CDK14: variants seen among roughly 807,000 people sequenced by gnomAD.
The protein encoded by CDK14 is cyclin dependent kinase 14, also known as cyclin-dependent kinase 14.
Under a neutral mutation model 60.7 loss-of-function variants are expected in CDK14, and 34 were observed. That is an observed-to-expected ratio of 0.56 (90% CI 0.43 to 0.75). The LOEUF (loss-of-function observed/expected upper bound fraction) is 0.75, where lower values mean the gene tolerates loss of function less well. CDK14 is among the 30% of genes least tolerant of loss of function. The pLI is 0.00. For missense variants in CDK14, 482 were observed against 564.1 expected, an observed-to-expected ratio of 0.85 and a Z score of 1.47; for synonymous variants, 197 against 203.7, an observed-to-expected ratio of 0.97 and a Z score of 0.28.
intron 8 of CDK14, among the ~76,000 whole-genome samples, chr7:90,924,832 A>T (rs1793365827): frequency 1.3e-5 from 2 of 151,904 alleles, no homozygotes; most frequent in Admixed American, 1.3e-4. Context: ...TGGTTTATTT[A>T]GCTTTGAAAT....
At chr7:90,630,552 A>G (rs1333777158) in intron 2 of CDK14, among the ~76,000 whole-genome samples, 3 of 152,236 alleles carry the variant, frequency 2.0e-5, no homozygotes, top group African/African-American at 7.2e-5. Context: ...CAAAAGTTGT[A>G]CTTTGACTTA....
intron 2 of CDK14, among the ~76,000 whole-genome samples, chr7:90,687,548 G>A (rs1369570938): frequency 6.6e-6 from 1 of 151,980 alleles, no homozygotes; most frequent in Admixed American, 6.6e-5. Context: ...ATAATTAAGG[G>A]ATATGAAGAT....
chr7:90,989,001 A>AGTGTGTGT (rs10696275), intron 10 of CDK14, among the ~76,000 whole-genome samples: 13,867 of 149,778 alleles, frequency 0.093, 714 homozygotes, highest in Middle Eastern at 0.21. Flanking sequence ...TTTGTGTGTG[A>AGTGTGTGT]GTGTGTGTGT....
chr7:90,616,886 G>A (rs923066820), intron 2 of CDK14, among the ~76,000 whole-genome samples: 2 of 151,504 alleles, frequency 1.3e-5, no homozygotes, highest in South Asian at 2.1e-4. Flanking sequence ...ATATATATAT[G>A]TGTGCCTGTG....
At chr7:91,098,500 A>T (rs1352511558) in intron 12 of CDK14, among the ~76,000 whole-genome samples, 2 of 151,396 alleles carry the variant, frequency 1.3e-5, no homozygotes, top group East Asian at 4.0e-4. Flanking sequence ...AACTTAAAAT[A>T]AAAAAAGAAA....
At position 91,098,521 on chromosome 7, in the gene CDK14, GAA is replaced by G. The variant is rs767502838; in HGVS notation, c.1155-14019_1155-14018del. The stretch of plus-strand genomic sequence containing the variant: ...AAATAAAAAAAGAAAGAAAAAGAAA[GAA>G]AGAGAAAAAAAAAAAGAAATAAAGG... On this transcript the variant is annotated intron_variant, in intron 12 of 14. Transcript: ENST00000380050. Among the ~76,000 whole-genome samples, 609 of 139,756 alleles carry G rather than the reference GAA, an allele frequency of 4.4e-3. 6 individuals are homozygous for G. The highest frequency in any genetic ancestry group is 0.012 in the African/African-American group (484 of 38,980). 91.7% of individuals were successfully genotyped at this position (139,756 alleles called of 152,430 possible).
chr7:91,184,601 G>C (rs1396279415), intron 14 of CDK14, among the ~76,000 whole-genome samples: 1 of 152,212 alleles, frequency 6.6e-6, no homozygotes, highest in Non-Finnish European at 1.5e-5. Flanking sequence ...GTGAGGACAA[G>C]AGGGAGCTTC....
intron 2 of CDK14, among the ~76,000 whole-genome samples, chr7:90,658,636 T>A (rs932381132): frequency 6.6e-6 from 1 of 152,228 alleles, no homozygotes; most frequent in Non-Finnish European, 1.5e-5. Context: ...TATCAGTGCT[T>A]TCTTTTTATG....
At chr7:90,994,828 G>A (rs1337038143) in intron 10 of CDK14, among the ~76,000 whole-genome samples, 1 of 152,186 alleles carries the variant, frequency 6.6e-6, no homozygotes, top group Non-Finnish European at 1.5e-5. Context: ...GCCATAGTGT[G>A]ACACATCTGA....
At chr7:90,891,615 T>C (rs1161755132) in intron 6 of CDK14, among the ~76,000 whole-genome samples, 1 of 152,240 alleles carries the variant, frequency 6.6e-6, no homozygotes, top group Non-Finnish European at 1.5e-5. Flanking sequence ...GTTAAGGATA[T>C]AGAGTCTGTG....
chr7:91,010,255 T>TC (rs1165297777), intron 10 of CDK14, among the ~76,000 whole-genome samples: 1 of 152,058 alleles, frequency 6.6e-6, no homozygotes, highest in Non-Finnish European at 1.5e-5. Flanking sequence ...TCCTTTGTAT[T>TC]CCCATGTGAA....
intron 9 of CDK14, among the ~76,000 whole-genome samples, chr7:90,957,617 A>G (rs1794469632): frequency 6.6e-6 from 1 of 152,160 alleles, no homozygotes; most frequent in Non-Finnish European, 1.5e-5. Context: ...TTCAAAGAGA[A>G]TAAAATACCT....
intron 14 of CDK14, among the ~76,000 whole-genome samples, chr7:91,201,489 T>C (rs893639698): frequency 6.6e-6 from 1 of 151,520 alleles, no homozygotes; most frequent in Non-Finnish European, 1.5e-5. Flanking sequence ...AGAGTTGTCT[T>C]GTAGAAAAAA....
chr7:91,121,629 A>G (rs1436093494), intron 14 of CDK14, among the ~76,000 whole-genome samples: 1 of 152,222 alleles, frequency 6.6e-6, no homozygotes, highest in Non-Finnish European at 1.5e-5. Context: ...TTTTGGTTTC[A>G]GAGTCTTGTA....
chr7:90,811,710 T>G (rs1282014084), intron 5 of CDK14, among the ~76,000 whole-genome samples: 10 of 151,774 alleles, frequency 6.6e-5, no homozygotes, highest in East Asian at 3.9e-4. Context: ...ATTTTCGCAA[T>G]CTACTCATCT....
At chr7:90,707,873 TC>T (rs1801934446) in intron 2 of CDK14, among the ~76,000 whole-genome samples, 1 of 152,228 alleles carries the variant, frequency 6.6e-6, no homozygotes, top group Non-Finnish European at 1.5e-5. Flanking sequence ...TGTATTATAA[TC>T]ACTTGCTTTA....
At chr7:91,036,615 A>G (rs939429502) in intron 10 of CDK14, among the ~76,000 whole-genome samples, 2 of 151,798 alleles carry the variant, frequency 1.3e-5, no homozygotes, top group Non-Finnish European at 2.9e-5. Context: ...AAAGATGAAG[A>G]CCTTTATGTT....
At chr7:91,124,930 C>G (rs1050081763) in intron 14 of CDK14, among the ~76,000 whole-genome samples, 1 of 152,080 alleles carries the variant, frequency 6.6e-6, no homozygotes, top group Non-Finnish European at 1.5e-5. Flanking sequence ...AAGGAATTGT[C>G]TATGCCCTAA....
intron 2 of CDK14, among the ~76,000 whole-genome samples, chr7:90,645,649 G>A (rs1800449180): frequency 6.6e-6 from 1 of 151,698 alleles, no homozygotes; most frequent in Non-Finnish European, 1.5e-5. Context: ...TTAAAAGTAG[G>A]TCCTACTACA....
Sources: allele counts gnomAD v4.1 joint callset (sites outside exome capture counted in the v4.1 genomes callset), GRCh38; gene constraint gnomAD v4.1.1; transcripts MANE v1.5; gene names NCBI Gene and HGNC (gene_info 2026-07-23, HGNC 2026-07-21).